The following PARVA variants were observed in gnomAD, a reference collection of about 807,000 sequenced individuals.
PARVA encodes alpha-parvin.
A neutral mutation model predicts 52.6 loss-of-function variants in PARVA; 25 were observed. The observed-to-expected ratio is 0.48, with a 90% confidence interval of 0.35 to 0.66. The LOEUF is 0.66. Among genes scored for constraint, PARVA ranks in the 30% least tolerant of loss-of-function variants. The pLI is 0.01. For synonymous variants in PARVA, 185 were observed against 179.1 expected (o/e 1.03, Z -0.26); for missense variants, 373 against 450.9 (o/e 0.83, Z 1.56).
chr11:12,390,250 C>A (rs1042465082), intron 1 of PARVA, among the ~76,000 whole-genome samples: 1 of 152,182 alleles, frequency 6.6e-6, no homozygotes, highest in Non-Finnish European at 1.5e-5. Context: ...CATTTTCTGT[C>A]TTGGCTAGCA....
At chr11:12,389,928 CT>C (rs1305738427) in intron 1 of PARVA, among the ~76,000 whole-genome samples, 2 of 152,200 alleles carry the variant, frequency 1.3e-5, no homozygotes, top group Admixed American at 6.5e-5. Context: ...GAATCATACT[CT>C]TTTCCGTTCA....
In PARVA at chr11:12,474,700, ATCACTTGAAGCCTGGGCAAC is replaced by A. The variant is rs556796970; in HGVS notation, c.297+718_297+737del. Among the ~76,000 whole-genome samples, 569 of 152,160 alleles carry A rather than the reference ATCACTTGAAGCCTGGGCAAC, an allele frequency of 3.7e-3. 8 individuals carry two copies. Among genetic ancestry groups the A allele is most frequent in the East Asian group, 0.015 (75 of 5,164 alleles). The stretch of plus-strand genomic sequence containing the variant: ...GTACAAAAAATTAGCTGGTGGGTGG[ATCACTTGAAGCCTGGGCAAC>A]AGGGTGAAACACCATCTCTACTAAA... On this transcript the variant is annotated intron_variant, in intron 3 of 12. Transcript: ENST00000334956.
intron 10 of PARVA, among the ~76,000 whole-genome samples, chr11:12,515,040 C>G (rs1200515146): frequency 6.6e-6 from 1 of 152,216 alleles, no homozygotes; most frequent in Non-Finnish European, 1.5e-5. Flanking sequence ...ATTAACAGCA[C>G]GTCCCAAGTA....
At chr11:12,459,886 A>T (rs946621449) in intron 1 of PARVA, among the ~76,000 whole-genome samples, 30 of 152,214 alleles carry the variant, frequency 2.0e-4, no homozygotes, top group South Asian at 8.3e-4. Flanking sequence ...GTCAGAAAAA[A>T]AATCAACCAT....
chr11:12,455,583 A>G (rs537658341), intron 1 of PARVA, among the ~76,000 whole-genome samples: 2 of 152,086 alleles, frequency 1.3e-5, no homozygotes, highest in Admixed American at 6.6e-5. Flanking sequence ...GTAGAAATCT[A>G]TTGCTTACTG....
intron 4 of PARVA, among the ~76,000 whole-genome samples, chr11:12,489,666 C>T (rs1274583950): frequency 6.6e-6 from 1 of 151,470 alleles, no homozygotes; most frequent in East Asian, 1.9e-4. Context: ...TAAGTAGTGA[C>T]AAATCTACAC....
At chr11:12,429,876 G>A (rs1357304578) in intron 1 of PARVA, among the ~76,000 whole-genome samples, 1 of 152,112 alleles carries the variant, frequency 6.6e-6, no homozygotes, top group Non-Finnish European at 1.5e-5. Context: ...CTTCAGTACT[G>A]AGTATAACTT....
intron 1 of PARVA, among the ~76,000 whole-genome samples, chr11:12,432,697 G>A (rs528451595): frequency 2.6e-5 from 4 of 152,322 alleles, no homozygotes; most frequent in East Asian, 1.9e-4. Flanking sequence ...TCATGTGTAC[G>A]TTATTTAGGC....
intron 1 of PARVA, among the ~76,000 whole-genome samples, chr11:12,379,855 C>G (rs1939459992): frequency 6.6e-6 from 1 of 152,214 alleles, no homozygotes; most frequent in African/African-American, 2.4e-5. Flanking sequence ...AAGCTCTTTT[C>G]TAGACCATGT....
chr11:12,470,759 A>G (rs752116427), intron 1 of PARVA, among the ~76,000 whole-genome samples: 1 of 152,160 alleles, frequency 6.6e-6, no homozygotes, highest in East Asian at 1.9e-4. Context: ...CTCAGCTCCT[A>G]CCTATGACCT....
chr11:12,460,169 C>T (rs982635245), intron 1 of PARVA, among the ~76,000 whole-genome samples: 3 of 152,152 alleles, frequency 2.0e-5, no homozygotes, highest in Admixed American at 2.0e-4. Context: ...ACTTCCTCTG[C>T]CTAACCTAAT....
intron 1 of PARVA, among the ~76,000 whole-genome samples, chr11:12,411,405 C>T (rs1396685862): frequency 6.6e-6 from 1 of 152,108 alleles, no homozygotes; most frequent in African/African-American, 2.4e-5. Context: ...ATTAATGAAC[C>T]AATGTTAATA....
chr11:12,424,717 A>G (rs923941133), intron 1 of PARVA, among the ~76,000 whole-genome samples: 1 of 152,184 alleles, frequency 6.6e-6, no homozygotes, highest in Non-Finnish European at 1.5e-5. Context: ...TTACGTCTAT[A>G]ATCATTGTTT....
At chr11:12,518,355 C>A in intron 11 of PARVA, 90 bp from the exon 12 acceptor site, 1 of 925,290 alleles carries the variant, frequency 1.1e-6, no homozygotes, top group Non-Finnish European at 1.7e-6. Context: ...GTCCCTCTGG[C>A]TACAGTGCTG....
At chr11:12,386,076 T>C (rs751546149) in intron 1 of PARVA, among the ~76,000 whole-genome samples, 6 of 152,238 alleles carry the variant, frequency 3.9e-5, no homozygotes, top group Non-Finnish European at 8.8e-5. Flanking sequence ...TACTGTGTTA[T>C]CCACCCAGCT....
chr11:12,408,183 G>A (rs959377240), intron 1 of PARVA, among the ~76,000 whole-genome samples: 1 of 151,962 alleles, frequency 6.6e-6, no homozygotes, highest in East Asian at 1.9e-4. Context: ...CAGCCACTGA[G>A]ACCCCATTGT....
intron 1 of PARVA, among the ~76,000 whole-genome samples, chr11:12,407,363 A>G (rs2134971134): frequency 6.6e-6 from 1 of 152,350 alleles, no homozygotes; most frequent in South Asian, 2.1e-4. Flanking sequence ...TGTAGGCATC[A>G]TAGATAGAAC....
intron 1 of PARVA, among the ~76,000 whole-genome samples, chr11:12,472,200 A>G (rs1473789105): frequency 6.6e-6 from 1 of 152,182 alleles, no homozygotes; most frequent in Non-Finnish European, 1.5e-5. Flanking sequence ...AAAATACACT[A>G]AACACTAATG....
intron 1 of PARVA, among the ~76,000 whole-genome samples, chr11:12,460,953 C>G (rs551013215): frequency 5.9e-5 from 9 of 152,288 alleles, no homozygotes; most frequent in African/African-American, 2.2e-4. Flanking sequence ...GAAGAGTACG[C>G]TGCTCTCAGG....
Sources: gnomAD v4.1 joint callset for allele counts (sites outside exome capture counted in the v4.1 genomes callset) on GRCh38, gnomAD v4.1.1 for gene constraint, MANE v1.5 for transcripts, NCBI Gene and HGNC (gene_info 2026-07-23, HGNC 2026-07-21) for gene names.